The following CIB4 variants were observed in gnomAD, a reference collection of about 807,000 sequenced individuals.
The protein encoded by CIB4 is calcium and integrin-binding family member 4.
Under a neutral mutation model 25.8 loss-of-function variants are expected in CIB4, and 25 were observed. That is an observed-to-expected ratio of 0.97 (90% CI 0.71 to 1.35). The LOEUF is 1.35. CIB4 is among the 40% of genes most tolerant of loss of function. The probability of loss-of-function intolerance (pLI) is 0.00; values close to 1 mark genes in which losing one functional copy is unlikely to be tolerated. For synonymous variants in CIB4, 75 were observed against 81.4 expected, an observed-to-expected ratio of 0.92 and a Z score of 0.42; for missense variants, 235 against 228.2, an observed-to-expected ratio of 1.03 and a Z score of -0.19.
intron 5 of CIB4, among the ~76,000 whole-genome samples, chr2:26,583,131 C>T (rs540529116): frequency 3.9e-5 from 6 of 152,256 alleles, no homozygotes; most frequent in East Asian, 1.9e-4. Flanking sequence ...GCCTCCAGCA[C>T]GAGCCTGGCA....
intron 3 of CIB4, among the ~76,000 whole-genome samples, chr2:26,605,748 A>C (rs1326989315): frequency 6.6e-6 from 1 of 152,110 alleles, no homozygotes; most frequent in African/African-American, 2.4e-5. Flanking sequence ...TTATCACTTC[A>C]TTTTGCAAAT....
chr2:26,621,985 T>C (rs1053912352), intron 3 of CIB4, among the ~76,000 whole-genome samples: 1 of 151,814 alleles, frequency 6.6e-6, no homozygotes, highest in African/African-American at 2.4e-5. Context: ...CCAGGAAAAA[T>C]AAACAAAACT....
intron 3 of CIB4, chr2:26,623,540 C>G (rs757623209): frequency 4.9e-5 from 23 of 471,378 alleles, no homozygotes; most frequent in Non-Finnish European, 9.7e-5. Context: ...CAGAAAGGCT[C>G]GGAAAACTTT....
Position 26,608,056 on chromosome 2 carries a change from G to A in CIB4, c.187-12739C>T, listed in dbSNP as rs1668925775. ...AGTTCAAGGCCAGCCTGGCCAACAT[G>A]TTGAAACCCCACCTTTACTAAAAAT... On this transcript the variant is annotated intron_variant, in intron 3 of 6. Coordinates refer to ENST00000288861, the MANE Select transcript of CIB4 (RefSeq NM_001029881.3). Among the ~76,000 whole-genome samples, 3 of 152,226 alleles carry A rather than the reference G, an allele frequency of 2.0e-5. No individual in the cohort carries two copies. In the South Asian group the frequency reaches 6.2e-4, roughly 32 times the overall value.
At chr2:26,605,512 G>C (rs1668871175) in intron 3 of CIB4, 2 of 470,976 alleles carry the variant, frequency 4.2e-6, no homozygotes, top group Non-Finnish European at 8.8e-6. Flanking sequence ...CTGCGAACAG[G>C]GGAGTGGACG....
Position 26,614,546 on chromosome 2 carries a change from G to C in CIB4, c.186+14864C>G, listed in dbSNP as rs190714769. On this transcript the variant is annotated intron_variant, in intron 3 of 6. Transcript: ENST00000288861. The stretch of plus-strand genomic sequence containing the variant: ...ATGAACAGTTTTCCCAGGAGGCAGA[G>C]TCTGGCAGAGTCGGTGCACCACAGG... 7.0e-4 allele frequency among the ~76,000 whole-genome samples: 106 copies of C among 152,372 alleles called. 1 individual carries two copies. The highest frequency in any genetic ancestry group is 2.4e-3 in the African/African-American group (98 of 41,594).
chr2:26,608,720 G>A (rs1668941231), intron 3 of CIB4, among the ~76,000 whole-genome samples: 1 of 152,120 alleles, frequency 6.6e-6, no homozygotes, highest in South Asian at 2.1e-4. Flanking sequence ...CCTCACTCCA[G>A]TGCAAACCAC....
chr2:26,629,992 G>T (rs983839315), intron 2 of CIB4, among the ~76,000 whole-genome samples: 2 of 152,188 alleles, frequency 1.3e-5, no homozygotes, highest in African/African-American at 4.8e-5. Flanking sequence ...CGGGATTAGA[G>T]CCCGGCTGCC....
At chr2:26,588,745 G>A (rs371174723) in intron 4 of CIB4, among the ~76,000 whole-genome samples, 7 of 152,302 alleles carry the variant, frequency 4.6e-5, no homozygotes, top group East Asian at 1.9e-4. Context: ...AAGGTGCTCC[G>A]GTACCTGCCT....
chr2:26,621,143 G>A (rs1669196160), intron 3 of CIB4, among the ~76,000 whole-genome samples: 1 of 151,428 alleles, frequency 6.6e-6, no homozygotes, highest in Non-Finnish European at 1.5e-5. Context: ...TTTCCAGACT[G>A]AGTGGGTCCT....
intron 3 of CIB4, among the ~76,000 whole-genome samples, chr2:26,598,208 G>T (rs1214301543): frequency 6.6e-6 from 1 of 151,762 alleles, no homozygotes; most frequent in African/African-American, 2.4e-5. Context: ...ACTGAGGCAG[G>T]AGCATCACTT....
At chr2:26,639,695 G>A (rs1371738099) in intron 2 of CIB4, among the ~76,000 whole-genome samples, 1 of 152,096 alleles carries the variant, frequency 6.6e-6, no homozygotes, top group African/African-American at 2.4e-5. Context: ...CCTCATTTGT[G>A]CCTGGAGAGT....
intron 5 of CIB4, among the ~76,000 whole-genome samples, chr2:26,583,529 C>T (rs1189772725): frequency 6.6e-6 from 1 of 152,068 alleles, no homozygotes; most frequent in Non-Finnish European, 1.5e-5. Flanking sequence ...GTTCTGGGGA[C>T]CCTGGAAAGG....
chr2:26,637,896 C>A (rs1385702332), intron 2 of CIB4, among the ~76,000 whole-genome samples: 2 of 152,170 alleles, frequency 1.3e-5, no homozygotes, highest in African/African-American at 2.4e-5. Flanking sequence ...CTGTCCCTGG[C>A]CCCACTAGTG....
chr2:26,631,176 A>T (rs1242330750), intron 2 of CIB4, among the ~76,000 whole-genome samples: 2 of 152,102 alleles, frequency 1.3e-5, no homozygotes, highest in Non-Finnish European at 2.9e-5. Flanking sequence ...GAATTTAGGG[A>T]CATGTAACTA....
intron 5 of CIB4, 88 bp from the exon 6 acceptor site, chr2:26,583,001 C>A: frequency 1.2e-6 from 1 of 820,664 alleles, no homozygotes. Flanking sequence ...AGCCACATGC[C>A]AGGGGCTCTC....
chr2:26,585,336 T>A (rs1392898758), intron 4 of CIB4, among the ~76,000 whole-genome samples: 1 of 151,724 alleles, frequency 6.6e-6, no homozygotes, highest in Admixed American at 6.6e-5. Context: ...GTGACTGGCA[T>A]GGTGTGAGGG....
chr2:26,639,004 G>C (rs1669585731), intron 2 of CIB4, among the ~76,000 whole-genome samples: 1 of 151,784 alleles, frequency 6.6e-6, no homozygotes. Flanking sequence ...AGTATGAAGG[G>C]ATAAATGCAA....
chr2:26,640,470 G>T, intron 2 of CIB4, 63 bp downstream of exon 2: 1 of 1,546,216 alleles, frequency 6.5e-7, no homozygotes, highest in South Asian at 1.2e-5. Context: ...GCTGTATTAG[G>T]GCAAGAATCC....
Sources: allele counts gnomAD v4.1 joint callset (sites outside exome capture counted in the v4.1 genomes callset), GRCh38; gene constraint gnomAD v4.1.1; transcripts MANE v1.5; gene names NCBI Gene and HGNC (gene_info 2026-07-23, HGNC 2026-07-21).